The following TFCP2L1 variants were observed in gnomAD, a reference collection of about 807,000 sequenced individuals.
The protein encoded by TFCP2L1 is transcription factor CP2-like protein 1.
TFCP2L1 carries 12 observed loss-of-function variants against 72.2 expected under a neutral mutation model. That is an observed-to-expected ratio of 0.17 (90% confidence interval 0.11 to 0.27). TFCP2L1 has a LOEUF of 0.27. Ranked by LOEUF, TFCP2L1 falls within the 10% of genes least tolerant of loss-of-function variation. The pLI, the probability that TFCP2L1 is intolerant of heterozygous loss-of-function variation, is 1.00. For missense variants in TFCP2L1, 488 were observed against 624.6 expected (o/e 0.78, Z 2.33); for synonymous variants, 260 against 251.0 (o/e 1.04, Z -0.34).
intron 2 of TFCP2L1, among the ~76,000 whole-genome samples, chr2:121,253,338 T>C (rs994844596): frequency 4.6e-5 from 7 of 152,232 alleles, no homozygotes; most frequent in African/African-American, 1.4e-4. Context: ...TCAGGAGATG[T>C]GACGCCTAAA....
At chr2:121,248,659 G>A (rs1290593907) in intron 4 of TFCP2L1, among the ~76,000 whole-genome samples, 2 of 152,056 alleles carry the variant, frequency 1.3e-5, no homozygotes, top group Non-Finnish European at 2.9e-5. Context: ...CATTTCCATT[G>A]CCCATCTATC....
At chr2:121,255,106 G>A (rs1686688446) in intron 2 of TFCP2L1, among the ~76,000 whole-genome samples, 1 of 152,192 alleles carries the variant, frequency 6.6e-6, no homozygotes, top group Non-Finnish European at 1.5e-5. Flanking sequence ...CACCACACTT[G>A]CCACATCCCA....
chr2:121,231,744 G>C (rs1686147427), intron 13 of TFCP2L1, 82 bp downstream of exon 13: 2 of 1,558,694 alleles, frequency 1.3e-6, no homozygotes, highest in Non-Finnish European at 1.7e-6. Context: ...CCAAACCCAA[G>C]TGTGTTTCTG....
rs1429874490 is a variant in TFCP2L1 at position 121,220,530 on chromosome 2, G to A, written c.*3811C>T. 1.3e-5 allele frequency: 2 copies of A among 152,210 alleles called. No individual in the cohort carries two copies. The highest frequency in any genetic ancestry group is 3.8e-4 in the East Asian group (2 of 5,196). 9.4% of individuals were successfully genotyped at this position (152,210 alleles called of 1,614,324 possible). On this transcript the variant is annotated 3_prime_UTR_variant, in exon 15 of 15. Coordinates refer to ENST00000263707, the MANE Select transcript of TFCP2L1 (RefSeq NM_014553.3). Reference sequence around the variant, plus strand: ...AGCTTTGGGCTTCCAGTTCAAGATGGTGGCCTGAGCACATGTGTCTGTCTT... The same window carrying A: ...AGCTTTGGGCTTCCAGTTCAAGATGATGGCCTGAGCACATGTGTCTGTCTT...
chr2:121,251,126 T>C (rs963134671), intron 2 of TFCP2L1, among the ~76,000 whole-genome samples: 1 of 151,752 alleles, frequency 6.6e-6, no homozygotes, highest in African/African-American at 2.4e-5. Context: ...TTTGGTGGTA[T>C]GTGATTGTCA....
chr2:121,244,145 G>A (rs1220381671), intron 6 of TFCP2L1, among the ~76,000 whole-genome samples: 2 of 152,192 alleles, frequency 1.3e-5, no homozygotes, highest in Non-Finnish European at 2.9e-5. Flanking sequence ...TCCCTGCACA[G>A]AGGGTACAAG....
At position 121,229,973 on chromosome 2, in the gene TFCP2L1, T is replaced by A. The variant is rs76966181; in HGVS notation, c.1341+1853A>T. Among the ~76,000 whole-genome samples, 863 of 152,234 alleles carry A rather than the reference T, an allele frequency of 5.7e-3. 21 individuals are homozygous for A. The East Asian group carries it at 0.067, about 12-fold the overall frequency. Reference sequence around the variant, plus strand: ...AGGACCAGGGATGGGAAGAAACAAATCGGAGTCTTAATCCACAAATACTGG... The same window carrying A: ...AGGACCAGGGATGGGAAGAAACAAAACGGAGTCTTAATCCACAAATACTGG... On this transcript the variant is annotated intron_variant, in intron 13 of 14. Transcript: ENST00000263707.
intron 10 of TFCP2L1, among the ~76,000 whole-genome samples, chr2:121,237,020 G>A (rs968622949): frequency 1.4e-4 from 21 of 152,216 alleles, no homozygotes; most frequent in Non-Finnish European, 2.4e-4. Flanking sequence ...ACTGCCACAG[G>A]TGTCTGTGGC....
intron 14 of TFCP2L1, 36 bp downstream of exon 14, chr2:121,225,526 C>T (rs762227687): frequency 6.2e-7 from 1 of 1,610,248 alleles, no homozygotes; most frequent in Non-Finnish European, 8.5e-7. Flanking sequence ...TCTCACCTGC[C>T]CCCACAACTA....
At chr2:121,240,565 G>A (rs1037684094) in intron 7 of TFCP2L1, 15 of 985,288 alleles carry the variant, frequency 1.5e-5, no homozygotes, top group African/African-American at 8.7e-5. Context: ...AGTGGCAGCC[G>A]GTGCCTCCCA....
intron 2 of TFCP2L1, among the ~76,000 whole-genome samples, chr2:121,254,004 G>A (rs1573379678): frequency 6.6e-6 from 1 of 152,174 alleles, no homozygotes; most frequent in Non-Finnish European, 1.5e-5. Context: ...AGGCTGACGA[G>A]CGAGGTCACA....
At chr2:121,282,108 T>C (rs1183819231) in intron 1 of TFCP2L1, among the ~76,000 whole-genome samples, 1 of 151,924 alleles carries the variant, frequency 6.6e-6, no homozygotes, top group Admixed American at 6.6e-5. Context: ...AATTTTTGTA[T>C]TTTTAGTAGA....
chr2:121,282,986 G>A (rs541277659), intron 1 of TFCP2L1, among the ~76,000 whole-genome samples: 4 of 152,156 alleles, frequency 2.6e-5, no homozygotes, highest in Admixed American at 1.3e-4. Context: ...CCCACAGGGC[G>A]TCTTCCTTTT....
At chr2:121,273,874 C>A (rs1687092900) in intron 2 of TFCP2L1, among the ~76,000 whole-genome samples, 1 of 152,088 alleles carries the variant, frequency 6.6e-6, no homozygotes, top group Admixed American at 6.6e-5. Context: ...GGGTGGATCA[C>A]CTGAGGTCAG....
At position 121,246,862 on chromosome 2, in the gene TFCP2L1, T is replaced by C. The variant is rs749917594; in HGVS notation, c.613A>G (p.Thr205Ala). ...TFKQNENGEY[T>A]EHLHSASCQI... ...CAGCTGGCTGAGTGCAGGTGCTCCG[T>C]GTACTCCCCATTCTCGTTCTGCTTA... Residue 205 changes from threonine (T) to alanine (A), a missense_variant, in exon 6 of 15, where the codon ACG (threonine) becomes GCG (alanine). By Grantham distance (58) the Thr-to-Ala change is moderately conservative. This residue lies in a region of TFCP2L1 where 129 missense variants were observed against 236.0 expected (regional missense o/e 0.55). Coordinates refer to ENST00000263707, the MANE Select transcript of TFCP2L1 (RefSeq NM_014553.3). 1.7e-5 allele frequency: 28 copies of C among 1,614,086 alleles called. No homozygotes were observed. The South Asian group carries it at 3.1e-4, about 18-fold the overall frequency.
chr2:121,266,678 C>T (rs1686936439), intron 2 of TFCP2L1, among the ~76,000 whole-genome samples: 2 of 152,136 alleles, frequency 1.3e-5, no homozygotes, highest in African/African-American at 4.8e-5. Context: ...TTAATCCGTT[C>T]TCAATCGAGG....
At chr2:121,260,612 G>A (rs1686813195) in intron 2 of TFCP2L1, among the ~76,000 whole-genome samples, 1 of 152,190 alleles carries the variant, frequency 6.6e-6, no homozygotes, top group Non-Finnish European at 1.5e-5. Flanking sequence ...AGAGCCAGGA[G>A]AAAGCCCAGC....
At chr2:121,276,766 T>C (rs888505974) in intron 2 of TFCP2L1, among the ~76,000 whole-genome samples, 5 of 152,030 alleles carry the variant, frequency 3.3e-5, no homozygotes, top group Admixed American at 6.6e-5. Flanking sequence ...ACATCATAAA[T>C]TCCAAATGCA....
chr2:121,216,623 CA>C lies in TFCP2L1; in HGVS notation c.*7717del. 1 of 152,338 alleles carries C rather than the reference CA, an allele frequency of 6.6e-6. No homozygotes were observed. Among genetic ancestry groups the C allele is most frequent in the East Asian group, 1.9e-4 (1 of 5,182 alleles). The allele number at this position is 152,338 out of a possible 1,614,324, so 9.4% of individuals were successfully genotyped here. On this transcript the variant is annotated 3_prime_UTR_variant, in exon 15 of 15. Coordinates refer to ENST00000263707, the MANE Select transcript of TFCP2L1 (RefSeq NM_014553.3). The stretch of plus-strand genomic sequence containing the variant: ...TGTGAGTTTTATTTGCATTCTAACC[CA>C]AGCACAGATCCCACATACAGACTTC...
Sources: allele counts gnomAD v4.1 joint callset (sites outside exome capture counted in the v4.1 genomes callset), GRCh38; gene constraint gnomAD v4.1.1; regional missense constraint gnomAD v4.1.1; transcripts MANE v1.5; gene names NCBI Gene and HGNC (gene_info 2026-07-23, HGNC 2026-07-21).